INCENP: variants seen among roughly 807,000 people sequenced by gnomAD.
INCENP encodes the protein binds and activates aurora-B and -C in vivo and in vitro.
In INCENP, 43 loss-of-function variants were observed where a neutral mutation model predicts 107.3. The observed-to-expected ratio is 0.40, with a 90% confidence interval of 0.31 to 0.52. INCENP has a LOEUF of 0.52. Ranked by LOEUF, INCENP falls within the 20% of genes least tolerant of loss-of-function variation. INCENP has a pLI of 0.53. For synonymous variants in INCENP, 488 were observed against 494.4 expected (o/e 0.99, Z 0.17); for missense variants, 1,089 against 1,250.9 (o/e 0.87, Z 1.95).
chr11:62,146,824 A>C lies in INCENP; in HGVS notation c.2126A>C (p.Glu709Ala). The change falls in exon 15 of 19, where the codon GAG becomes GCG. Residue 709 changes from glutamate to alanine, a missense_variant. Glu to Ala is a moderately radical substitution (Grantham distance 107). Coordinates refer to ENST00000394818, the MANE Select transcript of INCENP (RefSeq NM_001040694.2). ...GAGCGGCGCGAGCAGGAGCGGCGGGAGCAGGAGCGGCGCGAGCAGGAGCGA... is the reference window on the plus strand; with the variant it reads ...GAGCGGCGCGAGCAGGAGCGGCGGGCGCAGGAGCGGCGCGAGCAGGAGCGA... ...EQERREQERR[E>A]QERREQERQL... 1 of 1,541,134 alleles carries C rather than the reference A, an allele frequency of 6.5e-7. No homozygotes were observed. Among genetic ancestry groups the C allele is most frequent in the Non-Finnish European group, 8.8e-7 (1 of 1,142,260 alleles).
chr11:62,140,319 T>C (rs376101208), intron 8 of INCENP, 34 bp downstream of exon 8: 2 of 1,578,484 alleles, frequency 1.3e-6, no homozygotes, highest in Non-Finnish European at 8.7e-7. Context: ...TAGGTAACTC[T>C]GAGGGCCCTG....
At chr11:62,131,703 A>G (rs1943896584) in intron 4 of INCENP, among the ~76,000 whole-genome samples, 1 of 152,172 alleles carries the variant, frequency 6.6e-6, no homozygotes, top group African/African-American at 2.4e-5. Context: ...CAGGGAGACC[A>G]GATAGGAGGC....
rs1442020228 is a variant in INCENP at position 62,146,673 on chromosome 11, C to T, written c.1975C>T (p.Arg659Trp). 1.7e-5 allele frequency: 26 copies of T among 1,550,770 alleles called. No homozygotes were observed. The highest frequency in any genetic ancestry group is 1.2e-4 in the East Asian group (5 of 40,922). The change falls in exon 15 of 19, where the codon CGG becomes TGG. Residue 659 changes from arginine (R) to tryptophan (W), a missense_variant. Arg to Trp is a moderately radical substitution (Grantham distance 101, BLOSUM62 -3). Transcript: ENST00000394818. Reference protein sequence around the residue: ...RWLQQEEEERRHQELLQKKKE... With the variant: ...RWLQQEEEERWHQELLQKKKE... ...TCTGTTTCAGGAGGAGGAAGAGCGG[C>T]GGCACCAAGAGCTGCTGCAGAAGAA... is the stretch of plus-strand genomic sequence containing the variant.
At chr11:62,128,027 G>T (rs1349887136) in intron 1 of INCENP, 124 bp from the exon 2 acceptor site, 3 of 856,136 alleles carry the variant, frequency 3.5e-6, no homozygotes, top group East Asian at 4.9e-5. Flanking sequence ...AGCAGAGAGG[G>T]GCCCTGGTTC....
At chr11:62,139,134 C>A (rs113165404) in intron 7 of INCENP, 129 bp downstream of exon 7, 8 of 673,540 alleles carry the variant, frequency 1.2e-5, no homozygotes, top group African/African-American at 9.0e-5. Flanking sequence ...AGAAATTAAA[C>A]CTGGGGGTGC....
Position 62,128,676 on chromosome 11 carries a change from C to G in INCENP, c.141-94C>G, listed in dbSNP as rs148655231. 1.4e-3 allele frequency: 1,291 copies of G among 890,830 alleles called. 4 individuals carry two copies. The highest frequency in any genetic ancestry group is 1.1e-3 in the Non-Finnish European group (611 of 533,320). 55.2% of individuals were successfully genotyped at this position (890,830 alleles called of 1,614,324 possible). ...TGCTGGACACCCCAGCTTGACCTGTCGCTGCCAGGAAATGGGCAGGGGCCA... is the reference window on the plus strand; with the variant it reads ...TGCTGGACACCCCAGCTTGACCTGTGGCTGCCAGGAAATGGGCAGGGGCCA... On this transcript the variant is annotated intron_variant, in intron 2 of 18. Transcript: ENST00000394818.
intron 11 of INCENP, among the ~76,000 whole-genome samples, chr11:62,143,513 T>C (rs1306251134): frequency 6.6e-6 from 1 of 152,130 alleles, no homozygotes; most frequent in Non-Finnish European, 1.5e-5. Context: ...CCTGCTCCTC[T>C]TTAGTTTTCA....
chr11:62,130,402 C>A lies in INCENP; in HGVS notation c.875C>A (p.Thr292Lys), dbSNP rs751814772. 1 of 1,613,374 alleles carries A rather than the reference C, an allele frequency of 6.2e-7. No homozygotes were observed. Among genetic ancestry groups the A allele is most frequent in the Admixed American group, 1.7e-5 (1 of 60,026 alleles). Reference protein sequence around the residue: ...LAPILPDNFSTPTGSRTDSQS... With the variant: ...LAPILPDNFSKPTGSRTDSQS... ...CCCATCCTGCCGGATAACTTCTCCA[C>A]GCCCACGGGCTCTCGCACGGACTCT... The change falls in exon 4 of 19, where the codon ACG (threonine) becomes AAG (lysine). Residue 292 changes from threonine (T) to lysine (K), a missense_variant. Thr to Lys is a moderately conservative substitution (Grantham distance 78). Coordinates refer to ENST00000394818, the MANE Select transcript of INCENP (RefSeq NM_001040694.2).
Position 62,140,726 on chromosome 11 carries a change from G to C in INCENP, c.1366G>C (p.Ala456Pro). 4 of 1,586,288 alleles carry C rather than the reference G, an allele frequency of 2.5e-6. No homozygotes were observed. Among genetic ancestry groups the C allele is most frequent in the Non-Finnish European group, 3.4e-6 (4 of 1,167,098 alleles). ...SARRKRSYKQ[A>P]VSELDEEQHL... ...CAGGAGGAAGCGCAGCTACAAGCAG[G>C]CCGTGAGTGAGCTGGACGAGGAGCA... Residue 456 changes from alanine to proline, a missense_variant, in exon 9 of 19, where the codon GCC (alanine) becomes CCC (proline). Transcript: ENST00000394818.
intron 1 of INCENP, among the ~76,000 whole-genome samples, chr11:62,126,820 A>C (rs898851745): frequency 2.0e-5 from 2 of 99,040 alleles, no homozygotes; most frequent in African/African-American, 6.7e-5. Context: ...TATAACACCT[A>C]ATATGATGTA....
rs1010035796 is a variant in INCENP, at chr11:62,137,900, G to A, written c.1115+17G>A. On this transcript the variant is annotated intron_variant, in intron 5 of 18. Transcript: ENST00000394818. Reference sequence around the variant, plus strand: ...GAAAGTTGGGTGAGTTCAGTTCCAGGGCTTCGGAGGTAGGCAGGGCATACC... The same window carrying A: ...GAAAGTTGGGTGAGTTCAGTTCCAGAGCTTCGGAGGTAGGCAGGGCATACC... 2.1e-5 allele frequency: 34 copies of A among 1,611,716 alleles called. No individual in the cohort carries two copies. The highest frequency in any genetic ancestry group is 2.8e-5 in the Non-Finnish European group (33 of 1,177,944).
intron 4 of INCENP, 75 bp from the exon 5 acceptor site, chr11:62,137,757 G>T: frequency 7.2e-7 from 1 of 1,394,712 alleles, no homozygotes; most frequent in Non-Finnish European, 1.0e-6. Context: ...GCTGGAACCC[G>T]GTCCCCTGGA....
chr11:62,141,145 G>A (rs927823055), intron 10 of INCENP, 101 bp downstream of exon 10: 25 of 1,466,972 alleles, frequency 1.7e-5, no homozygotes, highest in South Asian at 2.6e-5. Flanking sequence ...GAGCCTGGGC[G>A]GAGGCAAGTG....
chr11:62,147,680 T>C (rs1630761), intron 15 of INCENP, among the ~76,000 whole-genome samples: 3,304 of 152,242 alleles, frequency 0.022, 127 homozygotes, highest in African/African-American at 0.075. Flanking sequence ...TCCGTGTCCA[T>C]CTTCGTGGGT....
Position 62,130,261 on chromosome 11 carries a change from G to A in INCENP, c.734G>A (p.Gly245Asp), listed in dbSNP as rs1943857569. ...ATGGCTACACCCCAGGACCCCAAGG[G>A]TCAAGGGGTCGGGACGGGGCGGTCT... ...SLMATPQDPK[G>D]QGVGTGRSAS... Residue 245 changes from glycine (G) to aspartate (D), a missense_variant, in exon 4 of 19, where the codon GGT becomes GAT. Gly to Asp is a moderately conservative substitution (Grantham distance 94). Coordinates refer to ENST00000394818, the MANE Select transcript of INCENP (RefSeq NM_001040694.2). 4 of 1,613,274 alleles carry A rather than the reference G, an allele frequency of 2.5e-6. No individual in the cohort carries two copies. Among genetic ancestry groups the A allele is most frequent in the Non-Finnish European group, 3.4e-6 (4 of 1,180,030 alleles).
intron 4 of INCENP, among the ~76,000 whole-genome samples, chr11:62,133,434 G>C (rs1792936): frequency 0.53 from 80,322 of 152,006 alleles, 23,702 homozygotes; most frequent in Non-Finnish European, 0.68. Flanking sequence ...TGGTGCGCAC[G>C]TGCCTGCGGG....
Position 62,130,586 on chromosome 11 carries a change from C to G in INCENP, c.1059C>G (p.Ile353Met), listed in dbSNP as rs1348908444. 5 of 1,609,658 alleles carry G rather than the reference C, an allele frequency of 3.1e-6. No homozygotes were observed. The highest frequency in any genetic ancestry group is 1.3e-5 in the African/African-American group (1 of 74,908). Residue 353 changes from isoleucine to methionine, a missense_variant, in exon 4 of 19, where the codon ATC (isoleucine) becomes ATG (methionine). Transcript: ENST00000394818. ...AAGAGCCAGCTGCCTCTGGCCGCAT[C>G]ATCTGTGAGTCTGGGGGCTTGGCAG... The part of the protein sequence containing the change: ...TAEEPAASGR[I>M]ICHSYLERLL...
chr11:62,124,915 A>G (rs12361901), intron 1 of INCENP, among the ~76,000 whole-genome samples: 80,449 of 152,150 alleles, frequency 0.53, 23,492 homozygotes, highest in Non-Finnish European at 0.67. Context: ...GGCATGGAGT[A>G]TGACTCAGTA....
intron 1 of INCENP, among the ~76,000 whole-genome samples, chr11:62,126,357 A>G (rs3758967): frequency 0.57 from 85,751 of 151,716 alleles, 25,699 homozygotes; most frequent in Non-Finnish European, 0.67. Context: ...CACCACACAC[A>G]GCTAATTTTT....
Sources: gnomAD v4.1 joint callset for allele counts (sites outside exome capture counted in the v4.1 genomes callset) on GRCh38, gnomAD v4.1.1 for gene constraint, MANE v1.5 for transcripts, NCBI Gene and HGNC (gene_info 2026-07-23, HGNC 2026-07-21) for gene names.